The following PDE1C variants were observed in gnomAD, a reference collection of about 807,000 sequenced individuals.
PDE1C encodes the protein phosphodiesterase 1C.
PDE1C carries 62 observed loss-of-function variants against 93.1 expected under a neutral mutation model. The ratio of observed to expected loss-of-function variants is 0.67; its 90% CI spans 0.54 to 0.82. The LOEUF (loss-of-function observed/expected upper bound fraction) is 0.82, where lower values mean the gene tolerates loss of function less well. Ranked by LOEUF, PDE1C falls within the 40% of genes least tolerant of loss-of-function variation. PDE1C has a pLI of 0.00. For synonymous variants in PDE1C, 325 were observed against 310.1 expected, an observed-to-expected ratio of 1.05 and a Z score of -0.50; for missense variants, 742 against 884.6, an observed-to-expected ratio of 0.84 and a Z score of 2.04.
At chr7:31,871,333 A>G (rs1457455591) in intron 6 of PDE1C, among the ~76,000 whole-genome samples, 1 of 152,134 alleles carries the variant, frequency 6.6e-6, no homozygotes, top group Non-Finnish European at 1.5e-5. Flanking sequence ...CTAACACCTC[A>G]AAAACACAGG....
intron 1 of PDE1C, among the ~76,000 whole-genome samples, chr7:32,257,156 A>C (rs1317351254): frequency 1.3e-5 from 2 of 152,216 alleles, no homozygotes; most frequent in Non-Finnish European, 2.9e-5. Context: ...CAGTGCAAGA[A>C]ATGAGGAAAG....
the PDE1C span, chr7:31,651,284 G>T: frequency 1.9e-6 from 3 of 1,611,138 alleles, no homozygotes; most frequent in South Asian, 1.1e-5. Flanking sequence ...TTACCTAAGG[G>T]AGCCATAAAA....
At chr7:31,828,175 G>A in intron 12 of PDE1C, 117 bp downstream of exon 12, 1 of 708,214 alleles carries the variant, frequency 1.4e-6, no homozygotes, top group Admixed American at 2.3e-5. Flanking sequence ...AGAGCCATGA[G>A]CACAACATGG....
At chr7:31,765,404 G>A (rs1368677086) in intron 17 of PDE1C, among the ~76,000 whole-genome samples, 3 of 152,088 alleles carry the variant, frequency 2.0e-5, no homozygotes, top group East Asian at 3.9e-4. Context: ...CATGATTCTA[G>A]TTGTTTCAAT....
chr7:32,201,527 A>G (rs1805012610), intron 2 of PDE1C, among the ~76,000 whole-genome samples: 1 of 152,370 alleles, frequency 6.6e-6, no homozygotes, highest in East Asian at 1.9e-4. Flanking sequence ...ATATAAGTTG[A>G]AAGGAGTAGG....
At chr7:31,863,007 T>C (rs1422654686) in intron 7 of PDE1C, among the ~76,000 whole-genome samples, 1 of 152,176 alleles carries the variant, frequency 6.6e-6, no homozygotes, top group Non-Finnish European at 1.5e-5. Context: ...GATTATCATG[T>C]TTCATATTAA....
Position 31,916,069 on chromosome 7 carries a change from G to A in PDE1C, c.129-35209C>T, listed in dbSNP as rs145491229. ...TGGGGGGGGCACCTCTCAAATGAGG[G>A]TCTCATGACCTGCCTCAGAGGAGAA... On this transcript the variant is annotated intron_variant, in intron 2 of 17. Coordinates refer to ENST00000396191, the MANE Select transcript of PDE1C (RefSeq NM_001191057.4). Among the ~76,000 whole-genome samples the A allele has an allele frequency of 3.4e-3, 510 of 152,214 alleles. 4 individuals are homozygous for A. The highest frequency in any genetic ancestry group is 0.024 in the Admixed American group (369 of 15,288).
chr7:32,389,637 G>C, intron 1 of PDE1C, among the ~76,000 whole-genome samples: 1 of 152,200 alleles, frequency 6.6e-6, no homozygotes. Flanking sequence ...CCTGGGACCT[G>C]GCCGCTTCAT....
chr7:31,853,928 T>C (rs1421669933), intron 7 of PDE1C, among the ~76,000 whole-genome samples: 1 of 149,790 alleles, frequency 6.7e-6, no homozygotes, highest in Non-Finnish European at 1.5e-5. Flanking sequence ...AGTCTCACCA[T>C]GTCGCCCAGG....
intron 1 of PDE1C, among the ~76,000 whole-genome samples, chr7:32,425,032 A>G (rs1370051612): frequency 2.6e-5 from 4 of 152,124 alleles, no homozygotes; most frequent in Non-Finnish European, 4.4e-5. Context: ...AGTGATAATA[A>G]AAGCATCCAT....
intron 1 of PDE1C, among the ~76,000 whole-genome samples, chr7:32,223,272 G>A (rs931743430): frequency 9.2e-5 from 14 of 152,356 alleles, no homozygotes; most frequent in Middle Eastern, 3.4e-3. Flanking sequence ...TAAGGGTCCA[G>A]TTGTAGTGGC....
At chr7:31,642,378 C>CA in the PDE1C span, 1 of 732,508 alleles carries the variant, frequency 1.4e-6, no homozygotes. Flanking sequence ...TGTTTTAAAT[C>CA]AAGCCACAAT....
At chr7:32,327,958 T>C (rs531521694) in intron 1 of PDE1C, among the ~76,000 whole-genome samples, 5 of 152,298 alleles carry the variant, frequency 3.3e-5, no homozygotes, top group South Asian at 2.1e-4. Context: ...GTACTGCTAA[T>C]ATTTAGATCA....
At chr7:31,706,194 G>A in the PDE1C span, among the ~76,000 whole-genome samples, 1 of 151,242 alleles carries the variant, frequency 6.6e-6, no homozygotes, top group African/African-American at 2.4e-5. Flanking sequence ...TACTAGAGAT[G>A]GGGTTTCACC....
At chr7:31,779,141 G>A (rs1783215265) in intron 16 of PDE1C, among the ~76,000 whole-genome samples, 2 of 152,166 alleles carry the variant, frequency 1.3e-5, no homozygotes, top group Admixed American at 6.5e-5. Flanking sequence ...TTTCACAGGT[G>A]GCCCAGGTGA....
chr7:32,118,223 C>A (rs1799094770), intron 3 of PDE1C, among the ~76,000 whole-genome samples: 1 of 152,116 alleles, frequency 6.6e-6, no homozygotes, highest in African/African-American at 2.4e-5. Context: ...AGAAGCAGAA[C>A]CTGACAGCAT....
At chr7:31,684,311 G>T in the PDE1C span, among the ~76,000 whole-genome samples, 2 of 152,234 alleles carry the variant, frequency 1.3e-5, no homozygotes, top group East Asian at 1.9e-4. Context: ...GTGACAAAAG[G>T]ATTTGTTAAA....
At chr7:32,338,110 G>T (rs1398933094) in intron 1 of PDE1C, among the ~76,000 whole-genome samples, 2 of 152,206 alleles carry the variant, frequency 1.3e-5, no homozygotes, top group African/African-American at 2.4e-5. Context: ...AAGAAAAAAT[G>T]GACAAATTGG....
chr7:31,902,338 C>A (rs943347272), intron 2 of PDE1C, among the ~76,000 whole-genome samples: 2 of 151,840 alleles, frequency 1.3e-5, no homozygotes, highest in Middle Eastern at 3.4e-3. Context: ...AATTCATGAG[C>A]CTCAGAAATG....
Sources: gnomAD v4.1 joint callset for allele counts (sites outside exome capture counted in the v4.1 genomes callset) on GRCh38, gnomAD v4.1.1 for gene constraint, MANE v1.5 for transcripts, NCBI Gene and HGNC (gene_info 2026-07-23, HGNC 2026-07-21) for gene names.